FAM193A: variants seen among roughly 807,000 people sequenced by gnomAD.
FAM193A encodes family with sequence similarity 193 member A.
FAM193A carries 22 observed loss-of-function variants against 126.5 expected under a neutral mutation model. The observed-to-expected ratio is 0.17, with a 90% CI of 0.12 to 0.25. FAM193A has a LOEUF of 0.25. Among genes scored for constraint, FAM193A ranks in the 10% least tolerant of loss-of-function variants. The pLI, the probability that FAM193A is intolerant of heterozygous loss-of-function variation, is 1.00. For synonymous variants in FAM193A, 761 were observed against 646.8 expected (o/e 1.18, Z -2.68); for missense variants, 1,675 against 1,672.8 (o/e 1.00, Z -0.02).
At chr4:2,726,158 C>A (rs1720725809) in intron 20 of FAM193A, among the ~76,000 whole-genome samples, 1 of 152,038 alleles carries the variant, frequency 6.6e-6, no homozygotes, top group Non-Finnish European at 1.5e-5. Context: ...CTCAGCCTCC[C>A]AAAGTACTGG....
intron 1 of FAM193A, among the ~76,000 whole-genome samples, chr4:2,581,882 T>C (rs1192412169): frequency 6.6e-6 from 1 of 150,572 alleles, no homozygotes; most frequent in Admixed American, 6.6e-5. Flanking sequence ...CTCAGTCTCC[T>C]GACCTCGTGA....
intron 1 of FAM193A, among the ~76,000 whole-genome samples, chr4:2,570,658 G>A (rs1194405165): frequency 6.6e-6 from 1 of 152,140 alleles, no homozygotes; most frequent in Non-Finnish European, 1.5e-5. Flanking sequence ...GCCTTGCCAT[G>A]TCTAGGTGCA....
intron 20 of FAM193A, among the ~76,000 whole-genome samples, chr4:2,723,813 T>C (rs1056180500): frequency 1.3e-5 from 2 of 152,104 alleles, no homozygotes; most frequent in African/African-American, 2.4e-5. Context: ...TTTGTTTGTT[T>C]TGTTTTGTTT....
intron 15 of FAM193A, among the ~76,000 whole-genome samples, chr4:2,692,103 A>G (rs569831492): frequency 1.3e-4 from 20 of 152,336 alleles, no homozygotes; most frequent in Admixed American, 2.6e-4. Context: ...GTGTTAATCA[A>G]TTCTCACACT....
chr4:2,692,012 G>A (rs1716442258), intron 15 of FAM193A, among the ~76,000 whole-genome samples: 2 of 152,168 alleles, frequency 1.3e-5, no homozygotes. Context: ...AGGGATATCA[G>A]TTTGGGGAAT....
rs965191791 is a variant in FAM193A at position 2,659,742 on chromosome 4, C to T, written c.1503-70C>T. On this transcript the variant is annotated intron_variant, in intron 9 of 20. Coordinates refer to ENST00000637812, the MANE Select transcript of FAM193A (RefSeq NM_001366318.2). ...ACTGGGCTGAGTGGAGGCCTAGAAC[C>T]GACCCTTAGAGAGCATGGTCTAGTC... 32 of 1,612,864 alleles carry T rather than the reference C, an allele frequency of 2.0e-5. 1 individual carries two copies. The Admixed American group carries it at 4.7e-4, about 24-fold the overall frequency.
At chr4:2,606,167 C>T (rs1352645744) in intron 2 of FAM193A, among the ~76,000 whole-genome samples, 1 of 148,100 alleles carries the variant, frequency 6.8e-6, no homozygotes, top group Non-Finnish European at 1.5e-5. Context: ...TCTCCTGCCT[C>T]AACCTCCCAT....
intron 2 of FAM193A, among the ~76,000 whole-genome samples, chr4:2,605,223 A>G (rs1741464589): frequency 6.6e-6 from 1 of 152,174 alleles, no homozygotes; most frequent in Admixed American, 6.5e-5. Context: ...CTGTTAACCC[A>G]GATCCCTTCT....
intron 3 of FAM193A, 141 bp from the exon 4 acceptor site, chr4:2,626,269 T>C (rs1742955356): frequency 1.6e-6 from 1 of 619,868 alleles, no homozygotes; most frequent in East Asian, 2.8e-5. Flanking sequence ...ATCACCCCCC[T>C]GCACTGACAG....
chr4:2,717,798 C>T (rs866464878), intron 20 of FAM193A, among the ~76,000 whole-genome samples: 3 of 149,402 alleles, frequency 2.0e-5, no homozygotes, highest in Middle Eastern at 3.5e-3. Context: ...GGATTACAGG[C>T]GCCTGCCACC....
intron 1 of FAM193A, among the ~76,000 whole-genome samples, chr4:2,551,748 T>C (rs1252277028): frequency 6.6e-6 from 1 of 152,114 alleles, no homozygotes; most frequent in Non-Finnish European, 1.5e-5. Flanking sequence ...TACTGATTTT[T>C]CTCTGTTTTT....
intron 13 of FAM193A, among the ~76,000 whole-genome samples, chr4:2,673,910 G>A (rs1714106412): frequency 6.6e-6 from 1 of 152,032 alleles, no homozygotes; most frequent in South Asian, 2.1e-4. Flanking sequence ...ATCTATATAT[G>A]GGTAAAAGAA....
intron 13 of FAM193A, among the ~76,000 whole-genome samples, chr4:2,676,504 G>T (rs1714418272): frequency 6.6e-6 from 1 of 152,156 alleles, no homozygotes; most frequent in South Asian, 2.1e-4. Context: ...GCTCGTTTTT[G>T]AATCAGGTTT....
At chr4:2,536,336 G>C (rs943547872), upstream of FAM193A, among the ~76,000 whole-genome samples, 3 of 151,604 alleles carry the variant, frequency 2.0e-5, no homozygotes, top group Non-Finnish European at 3.0e-5. Context: ...GGCGACGAGC[G>C]AGGCGGTGAC....
upstream of FAM193A, among the ~76,000 whole-genome samples, chr4:2,536,354 C>A (rs923177236): frequency 6.6e-6 from 1 of 151,822 alleles, no homozygotes; most frequent in African/African-American, 2.4e-5. Context: ...GACATCACCG[C>A]CGCATCCAGC....
At chr4:2,568,603 C>T (rs184953243) in intron 1 of FAM193A, among the ~76,000 whole-genome samples, 5 of 152,152 alleles carry the variant, frequency 3.3e-5, no homozygotes, top group African/African-American at 9.7e-5. Flanking sequence ...CAGCCAATTT[C>T]GTCTGATTTT....
intron 12 of FAM193A, among the ~76,000 whole-genome samples, chr4:2,664,402 A>G (rs1012635147): frequency 2.0e-5 from 3 of 152,090 alleles, no homozygotes; most frequent in Admixed American, 1.3e-4. Flanking sequence ...TGTAAATGTA[A>G]GAGTTTATAT....
chr4:2,692,680 T>C (rs1260499059), intron 15 of FAM193A, among the ~76,000 whole-genome samples: 2 of 152,240 alleles, frequency 1.3e-5, no homozygotes, highest in East Asian at 3.9e-4. Flanking sequence ...ATGTTAAGTC[T>C]TGTGAAAAGA....
chr4:2,604,035 G>A (rs1007998000), intron 2 of FAM193A, among the ~76,000 whole-genome samples: 4 of 151,888 alleles, frequency 2.6e-5, no homozygotes. Context: ...TAGAGACGGG[G>A]TTTTACCATG....
Sources: gnomAD v4.1 joint callset for allele counts (sites outside exome capture counted in the v4.1 genomes callset) on GRCh38, gnomAD v4.1.1 for gene constraint, MANE v1.5 for transcripts, NCBI Gene and HGNC (gene_info 2026-07-23, HGNC 2026-07-21) for gene names.